The following KCNMA1 variants were observed in gnomAD, a reference collection of about 807,000 sequenced individuals.
The protein encoded by KCNMA1 is potassium calcium-activated channel subfamily M alpha 1.
A neutral mutation model predicts 140.0 loss-of-function variants in KCNMA1; 29 were observed. The observed-to-expected ratio is 0.21, with a 90% confidence interval of 0.15 to 0.28. The LOEUF (loss-of-function observed/expected upper bound fraction) is 0.28, where lower values mean the gene tolerates loss of function less well. Among genes scored for constraint, KCNMA1 ranks in the 10% least tolerant of loss-of-function variants. KCNMA1 has a pLI of 1.00. For missense variants in KCNMA1, 880 were observed against 1,602.2 expected (o/e 0.55, Z 7.70); for synonymous variants, 612 against 611.9 (o/e 1.00, Z 0.00).
At chr10:77,377,176 C>A (rs1278854615) in intron 2 of KCNMA1, among the ~76,000 whole-genome samples, 2 of 152,168 alleles carry the variant, frequency 1.3e-5, no homozygotes, top group Non-Finnish European at 2.9e-5. Context: ...CATTCCAGGG[C>A]AGCTTCCTCC....
intron 25 of KCNMA1, among the ~76,000 whole-genome samples, chr10:76,900,401 A>G (rs4979874): frequency 0.097 from 14,761 of 152,116 alleles, 2,294 homozygotes; most frequent in African/African-American, 0.33. Flanking sequence ...TGTGAAAGTA[A>G]CTGTAAGTAG....
At chr10:77,633,594 G>T (rs751620605) in intron 1 of KCNMA1, among the ~76,000 whole-genome samples, 10 of 152,174 alleles carry the variant, frequency 6.6e-5, no homozygotes, top group Admixed American at 6.5e-4. Context: ...CCAGACCCTG[G>T]GTAATTACCA....
chr10:76,969,494 G>A (rs2075356348), intron 20 of KCNMA1, among the ~76,000 whole-genome samples: 1 of 152,118 alleles, frequency 6.6e-6, no homozygotes, highest in Non-Finnish European at 1.5e-5. Flanking sequence ...GATTTCAATC[G>A]ACAGGATAAA....
chr10:77,387,559 T>TC (rs2095651605), intron 2 of KCNMA1, among the ~76,000 whole-genome samples: 1 of 149,846 alleles, frequency 6.7e-6, no homozygotes, highest in South Asian at 2.1e-4. Flanking sequence ...TCTTTTCTTT[T>TC]TCTTTTCTTT....
At chr10:77,106,474 G>A (rs1903896) in intron 9 of KCNMA1, among the ~76,000 whole-genome samples, 140,369 of 151,984 alleles carry the variant, frequency 0.92, 64,997 homozygotes, top group Middle Eastern at 0.97. Flanking sequence ...AGCTGGCACC[G>A]AAAGCTGCCG....
intron 1 of KCNMA1, among the ~76,000 whole-genome samples, chr10:77,436,710 G>A (rs1301429793): frequency 6.6e-6 from 1 of 152,176 alleles, no homozygotes; most frequent in East Asian, 1.9e-4. Context: ...ACTTCCTAAG[G>A]AAGTGCCATT....
At chr10:77,332,798 G>A (rs1350469876) in intron 2 of KCNMA1, among the ~76,000 whole-genome samples, 1 of 152,214 alleles carries the variant, frequency 6.6e-6, no homozygotes, top group Admixed American at 6.5e-5. Context: ...TCAGATGAAA[G>A]CCACTTAATC....
At chr10:77,198,043 C>T (rs1239305506) in intron 3 of KCNMA1, among the ~76,000 whole-genome samples, 1 of 152,094 alleles carries the variant, frequency 6.6e-6, no homozygotes, top group Non-Finnish European at 1.5e-5. Context: ...CTTTCATATG[C>T]ATGTATTTTT....
At chr10:77,172,809 C>T (rs73293943) in intron 5 of KCNMA1, among the ~76,000 whole-genome samples, 2,384 of 152,156 alleles carry the variant, frequency 0.016, 58 homozygotes, top group African/African-American at 0.053. Flanking sequence ...TGATTGCTCA[C>T]AGTTCTAAAG....
At chr10:77,091,849 C>A (rs1005969731) in intron 9 of KCNMA1, 1 of 152,160 alleles carries the variant, frequency 6.6e-6, no homozygotes, top group Admixed American at 6.5e-5. Flanking sequence ...CCTGCCCTTT[C>A]GTTGTAATTT....
intron 14 of KCNMA1, among the ~76,000 whole-genome samples, chr10:77,072,826 G>A (rs1369005015): frequency 6.6e-6 from 1 of 152,130 alleles, no homozygotes; most frequent in Admixed American, 6.5e-5. Flanking sequence ...TAACAGCGGA[G>A]GCTTTGTTGA....
intron 1 of KCNMA1, among the ~76,000 whole-genome samples, chr10:77,430,826 C>T (rs1331819235): frequency 6.6e-6 from 1 of 152,202 alleles, no homozygotes; most frequent in African/African-American, 2.4e-5. Flanking sequence ...TTGTGGCGAG[C>T]ACAGAGTGGG....
chr10:77,370,351 A>G (rs1248839184), intron 2 of KCNMA1, among the ~76,000 whole-genome samples: 8 of 152,148 alleles, frequency 5.3e-5, no homozygotes, highest in East Asian at 1.9e-4. Context: ...CCTTGGGGAC[A>G]GCCATGCTGG....
intron 19 of KCNMA1, 108 bp from the exon 20 acceptor site, chr10:76,970,175 A>G: frequency 1.2e-6 from 1 of 861,540 alleles, no homozygotes; most frequent in Admixed American, 1.9e-5. Flanking sequence ...CTCACTAGGA[A>G]TTCATGGCTG....
intron 3 of KCNMA1, among the ~76,000 whole-genome samples, chr10:77,201,651 A>G (rs917665522): frequency 1.3e-5 from 2 of 152,178 alleles, no homozygotes; most frequent in African/African-American, 4.8e-5. Context: ...TTTAAAGTTC[A>G]CGCATGTGAC....
intron 3 of KCNMA1, among the ~76,000 whole-genome samples, chr10:77,211,139 AAACAAAGCTGGAGGCATCAAACTACC>A (rs944326709): frequency 2.6e-5 from 4 of 152,076 alleles, no homozygotes; most frequent in African/African-American, 4.8e-5. Flanking sequence ...AAAAACAAAA[AAACAAAGCTGGAGGCATCAAACTACC>A]AACAAAGCTG....
In KCNMA1 at chr10:77,019,063, T is replaced by C. The variant is rs1388398269; in HGVS notation, c.1965A>G (p.Gln655=). ...LINPGNHLKI[Q]EGTLGFFIAS... ...CGATGAAAAATCCTAAAGTACCTTC[T>C]TGGATCTTAAGATGGTTTCCAGGAT... Residue 655 remains glutamine (Q), a synonymous_variant, in exon 17 of 28, where the codon CAA becomes CAG. Transcript: ENST00000286628. 1 of 1,594,404 alleles carries C rather than the reference T, an allele frequency of 6.3e-7. No homozygotes were observed. Among genetic ancestry groups the C allele is most frequent in the East Asian group, 2.2e-5 (1 of 44,714 alleles).
chr10:77,351,269 T>A (rs1410623007), intron 2 of KCNMA1, among the ~76,000 whole-genome samples: 1 of 152,166 alleles, frequency 6.6e-6, no homozygotes, highest in Non-Finnish European at 1.5e-5. Flanking sequence ...AATGTGACCC[T>A]TACCAACGAC....
chr10:77,578,558 T>C (rs1257467802), intron 1 of KCNMA1, among the ~76,000 whole-genome samples: 1 of 152,182 alleles, frequency 6.6e-6, no homozygotes. Context: ...TGTAAACTCT[T>C]AGGCTGCTGG....
Sources: gnomAD v4.1 joint callset for allele counts (sites outside exome capture counted in the v4.1 genomes callset) on GRCh38, gnomAD v4.1.1 for gene constraint, MANE v1.5 for transcripts, NCBI Gene and HGNC (gene_info 2026-07-23, HGNC 2026-07-21) for gene names.